NUP210L: variants seen among roughly 807,000 people sequenced by gnomAD.
NUP210L encodes nucleoporin 210 like, also known as nuclear pore membrane glycoprotein 210-like.
A neutral mutation model predicts 208.5 loss-of-function variants in NUP210L; 74 were observed. That is an observed-to-expected ratio of 0.35 (90% CI 0.29 to 0.43). The LOEUF is 0.43. Ranked by LOEUF, NUP210L falls within the 20% of genes least tolerant of loss-of-function variation. NUP210L has a pLI of 1.00. For synonymous variants in NUP210L, 780 were observed against 816.9 expected, an observed-to-expected ratio of 0.95 and a Z score of 0.77; for missense variants, 1,843 against 2,289.4, an observed-to-expected ratio of 0.81 and a Z score of 3.98.
intron 6 of NUP210L, 43 bp downstream of exon 6, chr1:154,138,063 T>C (rs1658636774): frequency 7.1e-7 from 1 of 1,412,212 alleles, no homozygotes; most frequent in Non-Finnish European, 9.3e-7. Flanking sequence ...GCAGAAAAGA[T>C]TTGGGAAATG....
intron 16 of NUP210L, among the ~76,000 whole-genome samples, chr1:154,081,476 A>G (rs1015953910): frequency 6.6e-6 from 1 of 152,194 alleles, no homozygotes; most frequent in Non-Finnish European, 1.5e-5. Flanking sequence ...CTTGGATAAC[A>G]TTTGAGTTTA....
rs1651844561 is a variant in NUP210L, at chr1:154,025,773, A to G, written c.3948-57T>C. The G allele has an allele frequency of 2.7e-6, 4 of 1,488,450 alleles. No individual in the cohort carries two copies. In the South Asian group the frequency reaches 3.8e-5, roughly 14 times the overall value. The allele number at this position is 1,488,450 out of a possible 1,614,324, so 92.2% of individuals were successfully genotyped here. On this transcript the variant is annotated intron_variant, in intron 29 of 39. Coordinates refer to ENST00000368559, the Ensembl canonical transcript of NUP210L. ...TTGGGGTCCTGTCTGACCAGAGAGAAAAGAGTAAAAATTTCCAGGATTACT... is the reference window on the plus strand; with the variant it reads ...TTGGGGTCCTGTCTGACCAGAGAGAGAAGAGTAAAAATTTCCAGGATTACT...
At chr1:154,000,983 A>G (rs1355515647) in exon 37 of NUP210L, 1 of 1,614,216 alleles carries the variant, frequency 6.2e-7, no homozygotes, top group Admixed American at 1.7e-5. Context: ...CCACTCTTAC[A>G]GAGTAAATGG....
chr1:154,110,980 A>C (rs1167344778), intron 12 of NUP210L, among the ~76,000 whole-genome samples: 1 of 151,594 alleles, frequency 6.6e-6, no homozygotes, highest in Non-Finnish European at 1.5e-5. Flanking sequence ...ATAAAAAAAT[A>C]CAAAAGATCA....
chr1:153,998,441 G>A (rs573362184), intron 37 of NUP210L, among the ~76,000 whole-genome samples: 5 of 151,812 alleles, frequency 3.3e-5, no homozygotes, highest in Admixed American at 3.3e-4. Flanking sequence ...TGCAATCCTA[G>A]CTACTTGGGA....
intron 10 of NUP210L, among the ~76,000 whole-genome samples, chr1:154,125,526 G>A (rs986814842): frequency 2.7e-5 from 4 of 150,426 alleles, no homozygotes; most frequent in Non-Finnish European, 3.0e-5. Flanking sequence ...GGGGGCTAAG[G>A]TGGGAGGATT....
chr1:154,070,257 T>C lies in NUP210L; in HGVS notation c.2554+16A>G, dbSNP rs1175639191. Reference sequence around the variant, plus strand: ...ACACTCAGGTATATGAAAAGACTTGTATATTTTCACAATACCATGTAACCG... The same window carrying C: ...ACACTCAGGTATATGAAAAGACTTGCATATTTTCACAATACCATGTAACCG... On this transcript the variant is annotated intron_variant, in intron 17 of 39. Coordinates refer to ENST00000368559, the Ensembl canonical transcript of NUP210L. 2 of 1,541,330 alleles carry C rather than the reference T, an allele frequency of 1.3e-6. No individual in the cohort carries two copies. Among genetic ancestry groups the C allele is most frequent in the Non-Finnish European group, 1.7e-6 (2 of 1,143,248 alleles).
chr1:154,125,894 A>T (rs1199679631), intron 10 of NUP210L, among the ~76,000 whole-genome samples: 4 of 147,656 alleles, frequency 2.7e-5, no homozygotes, highest in Non-Finnish European at 6.0e-5. Flanking sequence ...CAGCCTCCCA[A>T]GTAGCTGGAA....
intron 2 of NUP210L, among the ~76,000 whole-genome samples, chr1:154,149,553 A>T (rs1659284280): frequency 6.6e-6 from 1 of 152,070 alleles, no homozygotes; most frequent in African/African-American, 2.4e-5. Flanking sequence ...TACAAAAAAT[A>T]AAAAAACTAG....
chr1:154,125,931 C>A (rs12732376), intron 10 of NUP210L, among the ~76,000 whole-genome samples: 1 of 150,922 alleles, frequency 6.6e-6, no homozygotes. Flanking sequence ...CCGCGCCCGG[C>A]TAATTTTTTT....
intron 25 of NUP210L, among the ~76,000 whole-genome samples, chr1:154,046,602 C>T (rs1310120719): frequency 1.3e-5 from 2 of 152,020 alleles, no homozygotes; most frequent in African/African-American, 2.4e-5. Context: ...TACTATTCAG[C>T]CATAAAAAGA....
At chr1:154,135,827 G>A in exon 7 of NUP210L, 1 of 1,614,012 alleles carries the variant, frequency 6.2e-7, no homozygotes, top group South Asian at 1.1e-5. Flanking sequence ...TATGGACAAA[G>A]ACAAGATTAG....
intron 27 of NUP210L, among the ~76,000 whole-genome samples, chr1:154,032,724 C>T (rs543805006): frequency 9.9e-5 from 15 of 152,164 alleles, no homozygotes; most frequent in African/African-American, 3.4e-4. Context: ...TCGAGACCAG[C>T]CTGGCCAACA....
intron 15 of NUP210L, 106 bp from the exon 16 acceptor site, chr1:154,089,700 C>T (rs1455582327): frequency 3.4e-6 from 3 of 877,484 alleles, no homozygotes; most frequent in Non-Finnish European, 5.5e-6. Flanking sequence ...TAGAGAGTCC[C>T]TTTCACATTA....
chr1:154,100,943 C>T (rs1050768878), intron 13 of NUP210L, among the ~76,000 whole-genome samples: 3 of 151,918 alleles, frequency 2.0e-5, no homozygotes, highest in Admixed American at 6.6e-5. Flanking sequence ...AAGGCCGAGG[C>T]GGGTGGATCA....
intron 7 of NUP210L, among the ~76,000 whole-genome samples, chr1:154,135,455 T>C (rs1450438651): frequency 6.6e-6 from 1 of 151,974 alleles, no homozygotes; most frequent in South Asian, 2.1e-4. Flanking sequence ...GGAGTCTCGC[T>C]GTGCCGCCCA....
intron 33 of NUP210L, among the ~76,000 whole-genome samples, chr1:154,013,210 T>A (rs1409694760): frequency 6.6e-6 from 1 of 152,056 alleles, no homozygotes; most frequent in Non-Finnish European, 1.5e-5. Flanking sequence ...AAATAACATT[T>A]TTTCTAGAAG....
intron 23 of NUP210L, among the ~76,000 whole-genome samples, chr1:154,055,118 CTTTCT>C (rs1362520141): frequency 7.4e-6 from 1 of 134,364 alleles, no homozygotes; most frequent in Admixed American, 7.6e-5. Flanking sequence ...CTTTCTCTTT[CTTTCT>C]TTTCTTTCTT....
At chr1:154,014,753 C>T (rs531510464) in intron 33 of NUP210L, among the ~76,000 whole-genome samples, 2 of 152,286 alleles carry the variant, frequency 1.3e-5, no homozygotes, top group East Asian at 3.9e-4. Context: ...TCTGTAATCC[C>T]AGCGCTTTGG....
Sources: gnomAD v4.1 joint callset for allele counts (sites outside exome capture counted in the v4.1 genomes callset) on GRCh38, gnomAD v4.1.1 for gene constraint, MANE v1.5 for transcripts, NCBI Gene and HGNC (gene_info 2026-07-23, HGNC 2026-07-21) for gene names.